The following NALF1 variants were observed in gnomAD, a reference collection of about 807,000 sequenced individuals.
NALF1 encodes family with sequence similarity 155 member A.
NALF1 carries 3 observed loss-of-function variants against 48.4 expected under a neutral mutation model. That is an observed-to-expected ratio of 0.06 (90% confidence interval 0.03 to 0.16). The LOEUF (loss-of-function observed/expected upper bound fraction) is 0.16, where lower values mean the gene tolerates loss of function less well. NALF1 is among the 10% of genes least tolerant of loss of function. NALF1 has a pLI of 1.00. For missense variants in NALF1, 526 were observed against 571.5 expected, an observed-to-expected ratio of 0.92 and a Z score of 0.81; for synonymous variants, 262 against 245.7, an observed-to-expected ratio of 1.07 and a Z score of -0.62.
In NALF1 at chr13:107,168,927, C is replaced by T. The variant is rs1232700721; in HGVS notation, c.*1570G>A. On this transcript the variant is annotated 3_prime_UTR_variant, in exon 3 of 3. Transcript: ENST00000375915. ...TGCAAACTTATCTGAAGTGCACTTC[C>T]CAAGTGTAGTTAGAGAATAGGAAGG... The T allele has an allele frequency of 6.6e-6, 1 of 152,336 alleles. No homozygotes were observed. Among genetic ancestry groups the T allele is most frequent in the East Asian group, 1.9e-4 (1 of 5,172 alleles). 9.4% of individuals were successfully genotyped at this position (152,336 alleles called of 1,614,324 possible).
chr13:107,649,362 C>T (rs993779376), intron 1 of NALF1, among the ~76,000 whole-genome samples: 1 of 152,116 alleles, frequency 6.6e-6, no homozygotes, highest in South Asian at 2.1e-4. Flanking sequence ...TCAGCAAGAG[C>T]TGTATTCTGT....
chr13:107,378,884 T>G (rs778482944), intron 1 of NALF1, among the ~76,000 whole-genome samples: 1 of 152,164 alleles, frequency 6.6e-6, no homozygotes, highest in Admixed American at 6.5e-5. Context: ...TGAGGTGTTA[T>G]GGACAGAAAA....
intron 1 of NALF1, among the ~76,000 whole-genome samples, chr13:107,517,187 A>G (rs1484324265): frequency 2.6e-5 from 4 of 152,202 alleles, no homozygotes; most frequent in Admixed American, 2.6e-4. Context: ...TACAAAACCT[A>G]TTGAAAATAG....
intron 1 of NALF1, among the ~76,000 whole-genome samples, chr13:107,664,792 T>A (rs1359326135): frequency 6.6e-6 from 1 of 152,216 alleles, no homozygotes; most frequent in Non-Finnish European, 1.5e-5. Flanking sequence ...CATCCTTTTT[T>A]AATTTGACCC....
intron 1 of NALF1, among the ~76,000 whole-genome samples, chr13:107,724,465 T>C (rs1876089733): frequency 6.6e-6 from 1 of 152,194 alleles, no homozygotes. Context: ...ACGAAATGAT[T>C]TTTCTCCTCA....
chr13:107,191,224 G>C (rs745553171), intron 2 of NALF1, among the ~76,000 whole-genome samples: 1 of 151,172 alleles, frequency 6.6e-6, no homozygotes, highest in Non-Finnish European at 1.5e-5. Flanking sequence ...ATAAGGTTTC[G>C]ACATAATGGA....
chr13:107,525,804 AG>A (rs1243274380), intron 1 of NALF1, among the ~76,000 whole-genome samples: 1 of 152,088 alleles, frequency 6.6e-6, no homozygotes, highest in Non-Finnish European at 1.5e-5. Flanking sequence ...TCTATATTTA[AG>A]TGTCTGTATT....
chr13:107,673,807 G>T (rs1382064582), intron 1 of NALF1, among the ~76,000 whole-genome samples: 1 of 152,092 alleles, frequency 6.6e-6, no homozygotes, highest in African/African-American at 2.4e-5. Context: ...TAATTACTAT[G>T]TGTCAAAAAT....
intron 1 of NALF1, among the ~76,000 whole-genome samples, chr13:107,633,293 A>T (rs573864220): frequency 2.9e-4 from 44 of 152,216 alleles, no homozygotes; most frequent in African/African-American, 8.7e-4. Context: ...AAATATTTTT[A>T]AAAATTGTGT....
intron 1 of NALF1, among the ~76,000 whole-genome samples, chr13:107,601,852 A>C (rs1464222316): frequency 6.6e-6 from 1 of 152,116 alleles, no homozygotes; most frequent in African/African-American, 2.4e-5. Flanking sequence ...CTGTTACTTA[A>C]ACCCAATATC....
At chr13:107,705,540 C>A (rs1159406727) in intron 1 of NALF1, among the ~76,000 whole-genome samples, 2 of 151,590 alleles carry the variant, frequency 1.3e-5, no homozygotes, top group Non-Finnish European at 2.9e-5. Flanking sequence ...ATATAATAGT[C>A]CAAGTTTTAC....
chr13:107,594,022 A>G (rs186613295), intron 1 of NALF1, among the ~76,000 whole-genome samples: 12 of 152,152 alleles, frequency 7.9e-5, no homozygotes, highest in African/African-American at 2.9e-4. Flanking sequence ...CTCCTTTATC[A>G]AAAGCATGAC....
At chr13:107,781,155 ATAT>A (rs1445218089) in intron 1 of NALF1, among the ~76,000 whole-genome samples, 4 of 152,178 alleles carry the variant, frequency 2.6e-5, no homozygotes, top group Non-Finnish European at 5.9e-5. Flanking sequence ...GTCTATGCTA[ATAT>A]TATTATATGG....
chr13:107,315,383 G>A (rs1203719307), intron 1 of NALF1, among the ~76,000 whole-genome samples: 36 of 151,930 alleles, frequency 2.4e-4, no homozygotes, highest in Non-Finnish European at 7.4e-5. Context: ...TTGTTAAAAC[G>A]CTGCTTTTCA....
intron 1 of NALF1, among the ~76,000 whole-genome samples, chr13:107,342,013 T>TA (rs1453171427): frequency 6.6e-6 from 1 of 152,120 alleles, no homozygotes. Context: ...GCTAAGGATA[T>TA]AACTCTATTA....
intron 1 of NALF1, among the ~76,000 whole-genome samples, chr13:107,292,287 T>C (rs1046114770): frequency 6.6e-6 from 1 of 152,214 alleles, no homozygotes; most frequent in Non-Finnish European, 1.5e-5. Context: ...TGAATGGAGC[T>C]TGCAGAACTG....
intron 1 of NALF1, among the ~76,000 whole-genome samples, chr13:107,714,016 T>G (rs1187514337): frequency 1.3e-5 from 2 of 152,198 alleles, no homozygotes; most frequent in Non-Finnish European, 2.9e-5. Flanking sequence ...GCCTCGGATG[T>G]GAGTCCTGCT....
rs558031657 is a variant in NALF1, at chr13:107,822,434, C to G, written c.915+43248G>C. Reference sequence around the variant, plus strand: ...TGTCAGCAGCAGCAGCACCTGAGAACTTTTTAGAAATGGAAATGTAAGACT... The same window carrying G: ...TGTCAGCAGCAGCAGCACCTGAGAAGTTTTTAGAAATGGAAATGTAAGACT... On this transcript the variant is annotated intron_variant, in intron 1 of 2. Transcript: ENST00000375915. 7.2e-5 allele frequency among the ~76,000 whole-genome samples: 11 copies of G among 151,964 alleles called. No individual in the cohort carries two copies. The East Asian group carries it at 2.1e-3, about 29-fold the overall frequency.
At chr13:107,348,750 G>C (rs888942892) in intron 1 of NALF1, among the ~76,000 whole-genome samples, 4 of 152,050 alleles carry the variant, frequency 2.6e-5, no homozygotes, top group Non-Finnish European at 5.9e-5. Flanking sequence ...AGACGAAGCA[G>C]GCATTTAATA....
Sources: gnomAD v4.1 joint callset for allele counts (sites outside exome capture counted in the v4.1 genomes callset) on GRCh38, gnomAD v4.1.1 for gene constraint, MANE v1.5 for transcripts, NCBI Gene and HGNC (gene_info 2026-07-23, HGNC 2026-07-21) for gene names.